SCP2: variants seen among roughly 807,000 people sequenced by gnomAD.
SCP2 encodes sterol carrier protein 2.
A neutral mutation model predicts 71.4 loss-of-function variants in SCP2; 48 were observed. That is an observed-to-expected ratio of 0.67 (90% CI 0.53 to 0.86). The LOEUF is 0.86. SCP2 is among the 40% of genes least tolerant of loss of function. The pLI is 0.00. For synonymous variants in SCP2, 220 were observed against 218.1 expected, an observed-to-expected ratio of 1.01 and a Z score of -0.08; for missense variants, 560 against 655.6, an observed-to-expected ratio of 0.85 and a Z score of 1.59.
At chr1:52,994,401 T>A (rs1417444397) in intron 11 of SCP2, 1 of 505,484 alleles carries the variant, frequency 2.0e-6, no homozygotes, top group East Asian at 1.5e-4. Context: ...TGAAATAGCA[T>A]GTTTTTATTA....
At chr1:52,958,319 C>T (rs1312595863) in intron 5 of SCP2, among the ~76,000 whole-genome samples, 2 of 151,830 alleles carry the variant, frequency 1.3e-5, no homozygotes, top group Non-Finnish European at 2.9e-5. Context: ...CAACCTCTGC[C>T]TCCCTGTTTC....
chr1:53,013,882 CTTTTTTTTTTTT>C (rs71044449), intron 11 of SCP2, among the ~76,000 whole-genome samples: 6,638 of 62,988 alleles, frequency 0.11, 640 homozygotes, highest in African/African-American at 0.31. Context: ...ATAGAACATT[CTTTTTTTTTTTT>C]TTTTTTTTTT....
chr1:52,927,602 C>T, intron 1 of SCP2, 137 bp downstream of exon 1: 1 of 696,690 alleles, frequency 1.4e-6, no homozygotes, highest in East Asian at 2.7e-5. Context: ...GGCTTGTACT[C>T]TGCGGAATCT....
At chr1:53,007,447 C>T (rs955252176) in intron 11 of SCP2, among the ~76,000 whole-genome samples, 1 of 152,188 alleles carries the variant, frequency 6.6e-6, no homozygotes, top group African/African-American at 2.4e-5. Flanking sequence ...ATAGTGCAAT[C>T]AAACTAGAAC....
At position 53,047,848 on chromosome 1, in the gene SCP2, T is replaced by C. The variant is rs761545816; in HGVS notation, c.1469-10T>C. On this transcript the variant is annotated splice_polypyrimidine_tract_variant and intron_variant, in intron 14 of 15. Coordinates refer to ENST00000371514, the MANE Select transcript of SCP2 (RefSeq NM_002979.5). ...CTATTCTCCTTCCTTCTCCTGTGTA[T>C]CTGTTTTAGATAAGAAGGCTGACTG... 176 of 1,593,786 alleles carry C rather than the reference T, an allele frequency of 1.1e-4. No individual in the cohort carries two copies. In the Admixed American group the frequency reaches 2.9e-3, roughly 26 times the overall value.
chr1:52,951,359 G>A (rs564613628), intron 4 of SCP2, among the ~76,000 whole-genome samples: 11 of 151,894 alleles, frequency 7.2e-5, no homozygotes, highest in African/African-American at 2.4e-4. Context: ...TCAACACTCT[G>A]GGGGACCAAG....
At chr1:52,998,473 G>A (rs1212173701) in intron 11 of SCP2, among the ~76,000 whole-genome samples, 4 of 152,172 alleles carry the variant, frequency 2.6e-5, no homozygotes, top group Admixed American at 1.3e-4. Context: ...GCATGCACCT[G>A]TAGTCTCAGC....
At chr1:53,015,962 T>A (rs1371194926) in intron 12 of SCP2, among the ~76,000 whole-genome samples, 1 of 152,230 alleles carries the variant, frequency 6.6e-6, no homozygotes, top group Non-Finnish European at 1.5e-5. Flanking sequence ...CCCTTTTTTC[T>A]TTTGAAATTC....
intron 1 of SCP2, among the ~76,000 whole-genome samples, chr1:52,937,943 A>G (rs1364085004): frequency 6.6e-6 from 1 of 152,200 alleles, no homozygotes; most frequent in African/African-American, 2.4e-5. Context: ...TACTGTTAAA[A>G]GGGGGGTGGG....
intron 6 of SCP2, among the ~76,000 whole-genome samples, chr1:52,971,973 A>G (rs1244365418): frequency 6.6e-6 from 1 of 152,190 alleles, no homozygotes; most frequent in East Asian, 1.9e-4. Context: ...GGTTAGCCTC[A>G]GGAGAGAATG....
intron 11 of SCP2, chr1:52,993,688 C>T (rs577291467): frequency 6.3e-5 from 102 of 1,611,956 alleles, no homozygotes; most frequent in Middle Eastern, 2.2e-4. Flanking sequence ...GATCATAATC[C>T]GTTACAAAAT....
chr1:52,948,947 ATT>A (rs35066602), intron 3 of SCP2, among the ~76,000 whole-genome samples: 3,959 of 146,424 alleles, frequency 0.027, 183 homozygotes, highest in African/African-American at 0.094. Context: ...CCCCAACAAC[ATT>A]TTTTTTTTTT....
chr1:52,969,244 T>C (rs1173243517), intron 6 of SCP2, among the ~76,000 whole-genome samples: 2 of 152,088 alleles, frequency 1.3e-5, no homozygotes, highest in African/African-American at 2.4e-5. Flanking sequence ...ATATGTGGCC[T>C]TTCTGGATAT....
chr1:52,935,678 C>T (rs1374624953), intron 1 of SCP2, among the ~76,000 whole-genome samples: 1 of 152,070 alleles, frequency 6.6e-6, no homozygotes, highest in Admixed American at 6.6e-5. Flanking sequence ...TGGCTCATGC[C>T]TGTAATCCCA....
intron 11 of SCP2, among the ~76,000 whole-genome samples, chr1:53,002,000 T>C (rs942932234): frequency 1.3e-5 from 2 of 152,030 alleles, no homozygotes. Context: ...CTGGCTAACA[T>C]GGTGAAACCC....
rs770249214 is a variant in SCP2, at chr1:52,939,563, AC to A, written c.70-2232del. On this transcript the variant is annotated intron_variant, in intron 1 of 15. Transcript: ENST00000371514. ...TCCATCTCAACAAAACAAAACAACA[AC>A]AAAAAACACCCATTTGTAGGTTTTT... 9.9e-5 allele frequency among the ~76,000 whole-genome samples: 15 copies of A among 152,252 alleles called. 1 individual carries two copies. In the East Asian group the frequency reaches 2.1e-3, roughly 22 times the overall value.
At chr1:53,028,553 G>T (rs61504843) in intron 13 of SCP2, among the ~76,000 whole-genome samples, 2 of 151,700 alleles carry the variant, frequency 1.3e-5, no homozygotes, top group African/African-American at 4.8e-5. Flanking sequence ...TTTTAAAAAT[G>T]ATGTTAATTT....
At chr1:53,011,698 A>G (rs1029866113) in intron 11 of SCP2, among the ~76,000 whole-genome samples, 2 of 152,182 alleles carry the variant, frequency 1.3e-5, no homozygotes, top group African/African-American at 2.4e-5. Context: ...ATCTGACACT[A>G]TCTCCAGGTA....
chr1:53,003,319 A>G (rs1057213749), intron 11 of SCP2, among the ~76,000 whole-genome samples: 5 of 152,126 alleles, frequency 3.3e-5, no homozygotes, highest in African/African-American at 9.7e-5. Context: ...CTTGGGCTCA[A>G]ATGATTCTAC....
Sources: gnomAD v4.1 joint callset for allele counts (sites outside exome capture counted in the v4.1 genomes callset) on GRCh38, gnomAD v4.1.1 for gene constraint, MANE v1.5 for transcripts, NCBI Gene and HGNC (gene_info 2026-07-23, HGNC 2026-07-21) for gene names.